BNIP2: variants seen among roughly 807,000 people sequenced by gnomAD.
BNIP2 encodes BCL2 interacting protein 2.
Under a neutral mutation model 43.4 loss-of-function variants are expected in BNIP2, and 36 were observed. The ratio of observed to expected loss-of-function variants is 0.83; its 90% CI spans 0.64 to 1.10. BNIP2 has a LOEUF of 1.10. BNIP2 is among the 50% of genes least tolerant of loss of function. BNIP2 has a pLI of 0.00. For synonymous variants in BNIP2, 146 were observed against 121.0 expected (o/e 1.21, Z -1.35); for missense variants, 417 against 374.1 (o/e 1.11, Z -0.95).
Position 59,678,107 on chromosome 15 carries a change from T to C in BNIP2, c.296-20A>G, listed in dbSNP as rs769295830. The stretch of plus-strand genomic sequence containing the variant: ...GATCATCTGTCAAAATACAAAGTTT[T>C]TGAATCACAAATTGTTACACAACAA... On this transcript the variant is annotated intron_variant, in intron 4 of 9. Transcript: ENST00000607373. The C allele has an allele frequency of 3.1e-6, 5 of 1,590,826 alleles. No homozygotes were observed. The highest frequency in any genetic ancestry group is 3.7e-5 in the Admixed American group (2 of 54,606).
chr15:59,688,552 C>T, intron 1 of BNIP2: 1 of 697,746 alleles, frequency 1.4e-6, no homozygotes, highest in Non-Finnish European at 2.3e-6. Context: ...TGAAATGCAT[C>T]CAGAAATCCA....
chr15:59,671,393 A>G, intron 6 of BNIP2, 79 bp from the exon 7 acceptor site: 4 of 1,290,872 alleles, frequency 3.1e-6, no homozygotes, highest in Non-Finnish European at 4.2e-6. Flanking sequence ...GTACCATTAT[A>G]CAATTCCTTC....
At chr15:59,686,912 G>T (rs921123618) in intron 1 of BNIP2, among the ~76,000 whole-genome samples, 1 of 152,216 alleles carries the variant, frequency 6.6e-6, no homozygotes, top group Non-Finnish European at 1.5e-5. Context: ...AGCGATCAGG[G>T]AGGCTGAGGC....
chr15:59,680,057 A>T (rs1595703368), intron 3 of BNIP2, among the ~76,000 whole-genome samples, 184 bp downstream of exon 3: 3 of 152,200 alleles, frequency 2.0e-5, no homozygotes, highest in South Asian at 2.1e-4. Context: ...TCCAAAAACC[A>T]AGTGTATGTT....
In BNIP2 at chr15:59,668,728, G is replaced by A. The variant is rs1892710874; in HGVS notation, c.893+164C>T. On this transcript the variant is annotated intron_variant, in intron 9 of 9. Coordinates refer to ENST00000607373, the MANE Select transcript of BNIP2 (RefSeq NM_004330.4). Reference sequence around the variant, plus strand: ...ATGCTAACTTAGGGGGATGGTGTGGGAAAATGGCTTCTTCCTCTTTTTCTT... The same window carrying A: ...ATGCTAACTTAGGGGGATGGTGTGGAAAAATGGCTTCTTCCTCTTTTTCTT... The A allele has an allele frequency of 1.2e-5, 7 of 568,350 alleles. 1 individual carries two copies. Among genetic ancestry groups the A allele is most frequent in the Non-Finnish European group, 2.1e-5 (7 of 337,040 alleles). The allele number at this position is 568,350 out of a possible 1,614,324, so 35.2% of individuals were successfully genotyped here.
intron 1 of BNIP2, among the ~76,000 whole-genome samples, chr15:59,685,923 G>T (rs546377836): frequency 6.6e-6 from 1 of 152,280 alleles, no homozygotes; most frequent in African/African-American, 2.4e-5. Flanking sequence ...GTTAACTGTT[G>T]TTGCTTCCCA....
intron 4 of BNIP2, 71 bp from the exon 5 acceptor site, chr15:59,678,158 T>G (rs1367238109): frequency 6.8e-7 from 1 of 1,475,366 alleles, no homozygotes; most frequent in Non-Finnish European, 9.0e-7. Flanking sequence ...TTAACCACTT[T>G]ACTACCTAGA....
At chr15:59,676,989 G>T (rs1893343387) in intron 5 of BNIP2, 9 of 1,613,576 alleles carry the variant, frequency 5.6e-6, no homozygotes. Flanking sequence ...GGTCTGCTTG[G>T]TTATCTCCAT....
Position 59,669,302 on chromosome 15 carries a change from A to C in BNIP2, c.768T>G (p.Leu256=), listed in dbSNP as rs774521143. The C allele has an allele frequency of 6.4e-7, 1 of 1,559,700 alleles. No individual in the cohort carries two copies. The highest frequency in any genetic ancestry group is 1.3e-5 in the South Asian group (1 of 78,386). ...TAATAAATGGTCTTGTAACAGCCAGAAGTGTTCTGATAAACCAAGAAGGAT... is the reference window on the plus strand; with the variant it reads ...TAATAAATGGTCTTGTAACAGCCAGCAGTGTTCTGATAAACCAAGAAGGAT... ...IVHPSWFIRT[L]LAVTRPFISS... Residue 256 remains leucine, a synonymous_variant, in exon 8 of 10, where the codon CTT becomes CTG. Transcript: ENST00000607373.
intron 4 of BNIP2, chr15:59,678,657 ATGAT>A: frequency 1.7e-6 from 2 of 1,181,092 alleles, no homozygotes; most frequent in Non-Finnish European, 2.1e-6. Context: ...ATAAGCACCA[ATGAT>A]TAAGTGTAAT....
Position 59,662,821 on chromosome 15 carries a change from T to A in BNIP2, c.*1248A>T, listed in dbSNP as rs1892347884. 1 of 152,262 alleles carries A rather than the reference T, an allele frequency of 6.6e-6. No homozygotes were observed. The highest frequency in any genetic ancestry group is 2.4e-5 in the African/African-American group (1 of 41,468). The allele number at this position is 152,262 out of a possible 1,614,324, so 9.4% of individuals were successfully genotyped here. On this transcript the variant is annotated 3_prime_UTR_variant, in exon 10 of 10. Coordinates refer to ENST00000607373, the MANE Select transcript of BNIP2 (RefSeq NM_004330.4). The stretch of plus-strand genomic sequence containing the variant: ...TATATGACACAATATCAGATCAATC[T>A]GTTGTTTTAGAAATAATTTTGTCGG...
At chr15:59,685,978 A>C (rs1397337161) in intron 1 of BNIP2, among the ~76,000 whole-genome samples, 1 of 152,240 alleles carries the variant, frequency 6.6e-6, no homozygotes, top group Non-Finnish European at 1.5e-5. Flanking sequence ...ATGGGAAATA[A>C]CACTTTAAGA....
rs1304070495 is a variant in BNIP2 at position 59,689,185 on chromosome 15, A to G, written c.-108T>C. 1 of 1,538,794 alleles carries G rather than the reference A, an allele frequency of 6.5e-7. No individual in the cohort carries two copies. The highest frequency in any genetic ancestry group is 8.7e-7 in the Non-Finnish European group (1 of 1,146,450). ...TCCTCTTCGCCCCTCCAGGCCGGCG[A>G]CGTGGGGCTGACGGCCAGGTCGCAA... On this transcript the variant is annotated 5_prime_UTR_variant, in exon 1 of 10. Coordinates refer to ENST00000607373, the MANE Select transcript of BNIP2 (RefSeq NM_004330.4).
rs746618822 is a variant in BNIP2, at chr15:59,672,738, T to G, written c.474A>C (p.Gly158=). 6.2e-7 allele frequency: 1 copy of G among 1,612,294 alleles called. No homozygotes were observed. The highest frequency in any genetic ancestry group is 1.3e-5 in the African/African-American group (1 of 74,842). ...TGGCATTTAATCCATCCCCATAATA[T>G]CCTAAAAAAGAAACCAAAGACAGTA... The part of the protein sequence containing the change: ...EPYKKVISHG[G]YYGDGLNAIV... The change falls in exon 6 of 10, where the codon GGA becomes GGC. Residue 158 remains glycine, a splice_region_variant and synonymous_variant. Transcript: ENST00000607373.
At chr15:59,683,782 G>A (rs1285619595) in intron 1 of BNIP2, among the ~76,000 whole-genome samples, 1 of 152,212 alleles carries the variant, frequency 6.6e-6, no homozygotes, top group Non-Finnish European at 1.5e-5. Context: ...TCACACCATT[G>A]CACTCCAGTC....
chr15:59,681,747 A>G (rs1893688953), intron 2 of BNIP2, among the ~76,000 whole-genome samples: 1 of 151,996 alleles, frequency 6.6e-6, no homozygotes, highest in Non-Finnish European at 1.5e-5. Flanking sequence ...GCACCTGGCC[A>G]CAAAATTAAA....
intron 1 of BNIP2, chr15:59,688,468 A>T (rs1595712427): frequency 2.4e-6 from 1 of 418,362 alleles, no homozygotes; most frequent in Non-Finnish European, 4.4e-6. Context: ...CACCGTAACT[A>T]TCTTGATGCA....
At chr15:59,665,802 C>A (rs1204285784) in intron 9 of BNIP2, among the ~76,000 whole-genome samples, 2 of 152,068 alleles carry the variant, frequency 1.3e-5, no homozygotes, top group Non-Finnish European at 2.9e-5. Context: ...GATGAAGGGA[C>A]CTTTAAAACA....
chr15:59,663,639 G>A lies in BNIP2; in HGVS notation c.*430C>T, dbSNP rs941530977. The A allele has an allele frequency of 6.5e-6, 1 of 152,836 alleles. No individual in the cohort carries two copies. The highest frequency in any genetic ancestry group is 1.5e-5 in the Non-Finnish European group (1 of 68,278). The allele number at this position is 152,836 out of a possible 1,614,324, so 9.5% of individuals were successfully genotyped here. ...ATTCTAATATGCACTTTAGAAAATC[G>A]TGGTCTTATATACCTGCATATTTCT... On this transcript the variant is annotated 3_prime_UTR_variant, in exon 10 of 10. Transcript: ENST00000607373.
Sources: allele counts gnomAD v4.1 joint callset (sites outside exome capture counted in the v4.1 genomes callset), GRCh38; gene constraint gnomAD v4.1.1; transcripts MANE v1.5; gene names NCBI Gene and HGNC (gene_info 2026-07-23, HGNC 2026-07-21).